Variants in COL5A2 observed in about 807,000 individuals in gnomAD.
The protein encoded by COL5A2 is collagen type V alpha 2 chain.
COL5A2 carries 23 observed loss-of-function variants against 208.2 expected under a neutral mutation model. The observed-to-expected ratio is 0.11, with a 90% CI of 0.08 to 0.16. The LOEUF is 0.16. Among genes scored for constraint, COL5A2 ranks in the 10% least tolerant of loss-of-function variants. The pLI is 1.00. For missense variants in COL5A2, 1,590 were observed against 1,956.4 expected, an observed-to-expected ratio of 0.81 and a Z score of 3.53; for synonymous variants, 625 against 628.5, an observed-to-expected ratio of 0.99 and a Z score of 0.08.
At chr2:189,165,684 G>A (rs1274641444) in intron 1 of COL5A2, among the ~76,000 whole-genome samples, 2 of 152,122 alleles carry the variant, frequency 1.3e-5, no homozygotes, top group Non-Finnish European at 2.9e-5. Context: ...GTTAGCAAAC[G>A]GCAAAGTCTG....
the COL5A2 span, among the ~76,000 whole-genome samples, chr2:189,296,634 A>C: frequency 4.3e-4 from 66 of 152,316 alleles, 1 homozygote; most frequent in African/African-American, 1.5e-3. Flanking sequence ...CTTAGTCCAA[A>C]TGTAAATCCC....
chr2:189,059,235 A>C (rs1685968374), intron 31 of COL5A2, among the ~76,000 whole-genome samples: 1 of 152,108 alleles, frequency 6.6e-6, no homozygotes, highest in South Asian at 2.1e-4. Context: ...GAAGATGAAA[A>C]AGTTTAAATA....
At chr2:189,335,920 A>C in the COL5A2 span, among the ~76,000 whole-genome samples, 1 of 152,162 alleles carries the variant, frequency 6.6e-6, no homozygotes, top group Non-Finnish European at 1.5e-5. Context: ...TGTGAATTAC[A>C]TTTCAATTTT....
chr2:189,036,922 G>C (rs1357190060), intron 51 of COL5A2, 119 bp from the exon 52 acceptor site: 1 of 844,584 alleles, frequency 1.2e-6, no homozygotes. Flanking sequence ...ATTCTTTTAA[G>C]TGAGAGTGCC....
At chr2:189,190,913 G>T (rs921347641) in intron 1 of COL5A2, among the ~76,000 whole-genome samples, 2 of 152,100 alleles carry the variant, frequency 1.3e-5, no homozygotes, top group Admixed American at 6.5e-5. Flanking sequence ...AAAGGCTTAC[G>T]TGGTTTGGTG....
chr2:189,338,703 T>C, the COL5A2 span, among the ~76,000 whole-genome samples: 9 of 147,914 alleles, frequency 6.1e-5, no homozygotes, highest in Non-Finnish European at 1.2e-4. Flanking sequence ...TATTATTTTA[T>C]ATTATAAATA....
At chr2:189,045,106 T>C in intron 47 of COL5A2, 73 bp downstream of exon 47, 1 of 1,031,620 alleles carries the variant, frequency 9.7e-7, no homozygotes, top group Non-Finnish European at 1.4e-6. Context: ...GTTATGAATC[T>C]TAAATTATAC....
the COL5A2 span, among the ~76,000 whole-genome samples, chr2:189,367,724 A>G: frequency 2.0e-5 from 3 of 152,234 alleles, no homozygotes; most frequent in Non-Finnish European, 4.4e-5. Context: ...TCTAATTTAT[A>G]TTTCCAGTAT....
the COL5A2 span, among the ~76,000 whole-genome samples, chr2:189,361,986 G>T: frequency 6.6e-6 from 1 of 152,006 alleles, no homozygotes; most frequent in Non-Finnish European, 1.5e-5. Flanking sequence ...AATTGTTACA[G>T]TTATTGATTT....
intron 1 of COL5A2, among the ~76,000 whole-genome samples, chr2:189,206,123 C>T (rs1348678626): frequency 2.0e-5 from 3 of 152,136 alleles, no homozygotes; most frequent in African/African-American, 4.8e-5. Flanking sequence ...TGAATTCAGG[C>T]TCACTGGTGG....
At chr2:189,266,919 C>G in the COL5A2 span, among the ~76,000 whole-genome samples, 1 of 151,406 alleles carries the variant, frequency 6.6e-6, no homozygotes, top group Admixed American at 6.6e-5. Context: ...AATTCTTGGA[C>G]AGTTAACATA....
the COL5A2 span, among the ~76,000 whole-genome samples, chr2:189,284,767 T>C: frequency 6.6e-6 from 1 of 152,192 alleles, no homozygotes; most frequent in Non-Finnish European, 1.5e-5. Context: ...TGTGAAAACA[T>C]ACAGTGTACT....
At chr2:189,110,185 G>A (rs1179356518) in intron 2 of COL5A2, 40 bp downstream of exon 2, 2 of 1,367,730 alleles carry the variant, frequency 1.5e-6, no homozygotes, top group East Asian at 2.3e-5. Flanking sequence ...ATAAAGGTGA[G>A]TAACTGGATC....
At chr2:189,060,566 C>G (rs917885951) in intron 31 of COL5A2, among the ~76,000 whole-genome samples, 164 bp downstream of exon 31, 4 of 152,128 alleles carry the variant, frequency 2.6e-5, no homozygotes, top group African/African-American at 9.7e-5. Flanking sequence ...CCATTTTCCT[C>G]ATCTACAAAA....
the COL5A2 span, among the ~76,000 whole-genome samples, chr2:189,376,232 C>T: frequency 2.6e-5 from 4 of 152,154 alleles, no homozygotes; most frequent in East Asian, 5.8e-4. Context: ...TTAAGTTCTG[C>T]CTCTCTTTAT....
the COL5A2 span, among the ~76,000 whole-genome samples, chr2:189,352,050 G>A: frequency 6.6e-6 from 1 of 151,900 alleles, no homozygotes; most frequent in South Asian, 2.1e-4. Context: ...AACATGCAGT[G>A]TTTGGTTTTC....
the COL5A2 span, among the ~76,000 whole-genome samples, chr2:189,336,123 A>T: frequency 6.6e-6 from 1 of 152,218 alleles, no homozygotes; most frequent in Non-Finnish European, 1.5e-5. Flanking sequence ...GGAAAGGCCA[A>T]TAAACACATA....
At chr2:189,127,755 C>A (rs547239537) in intron 1 of COL5A2, among the ~76,000 whole-genome samples, 1 of 152,082 alleles carries the variant, frequency 6.6e-6, no homozygotes, top group South Asian at 2.1e-4. Flanking sequence ...TGATTCAAAT[C>A]CATTTACATG....
the COL5A2 span, among the ~76,000 whole-genome samples, chr2:189,249,715 A>G: frequency 6.6e-6 from 1 of 152,190 alleles, no homozygotes; most frequent in South Asian, 2.1e-4. Flanking sequence ...GTTTGTTTTG[A>G]GACGGAGTTT....
Sources: allele counts gnomAD v4.1 joint callset (sites outside exome capture counted in the v4.1 genomes callset), GRCh38; gene constraint gnomAD v4.1.1; transcripts MANE v1.5; gene names NCBI Gene and HGNC (gene_info 2026-07-23, HGNC 2026-07-21).